The following GPC6 variants were observed in gnomAD, a reference collection of about 807,000 sequenced individuals.
GPC6 encodes glypican 6, also known as glypican-6.
GPC6 carries 14 observed loss-of-function variants against 55.2 expected under a neutral mutation model. The observed-to-expected ratio is 0.25, with a 90% CI of 0.17 to 0.40. The LOEUF is 0.40. GPC6 is among the 10% of genes least tolerant of loss of function. The probability of loss-of-function intolerance (pLI) is 1.00; values close to 1 mark genes in which losing one functional copy is unlikely to be tolerated. For synonymous variants in GPC6, 278 were observed against 259.6 expected (o/e 1.07, Z -0.68); for missense variants, 641 against 708.5 (o/e 0.90, Z 1.08).
chr13:93,854,239 G>A lies in GPC6; in HGVS notation c.711+23694G>A, dbSNP rs1888520204. Among the ~76,000 whole-genome samples the A allele has an allele frequency of 2.6e-5, 4 of 151,712 alleles. No individual in the cohort carries two copies. In the South Asian group the frequency reaches 8.3e-4, roughly 32 times the overall value. ...ATAAACACTGAGTGAGCAGTTTGGGGAACAGCAATAATCTTTTTTCCTTCA... is the reference window on the plus strand; with the variant it reads ...ATAAACACTGAGTGAGCAGTTTGGGAAACAGCAATAATCTTTTTTCCTTCA... On this transcript the variant is annotated intron_variant, in intron 3 of 8. Transcript: ENST00000377047.
At chr13:93,477,619 TA>T (rs1317046518) in intron 1 of GPC6, among the ~76,000 whole-genome samples, 6 of 152,100 alleles carry the variant, frequency 3.9e-5, no homozygotes, top group Admixed American at 6.6e-5. Flanking sequence ...TTTATTTTCT[TA>T]AAAAAAGGAG....
At chr13:93,221,748 C>T in the GPC6 span, among the ~76,000 whole-genome samples, 200 of 152,268 alleles carry the variant, frequency 1.3e-3, 2 homozygotes, top group African/African-American at 4.6e-3. Flanking sequence ...GGCAGAGCTA[C>T]TGTTGTTAAA....
chr13:94,275,253 A>T (rs907335923), intron 4 of GPC6, among the ~76,000 whole-genome samples: 15 of 152,208 alleles, frequency 9.9e-5, no homozygotes, highest in African/African-American at 3.4e-4. Context: ...ATATACATAT[A>T]ATAAGTCAGC....
At chr13:94,158,835 G>A (rs1464770982) in intron 4 of GPC6, among the ~76,000 whole-genome samples, 3 of 151,994 alleles carry the variant, frequency 2.0e-5, no homozygotes, top group Non-Finnish European at 4.4e-5. Flanking sequence ...CCATTGACAT[G>A]TGTGTAAAAC....
At chr13:93,615,461 CA>C in intron 2 of GPC6, among the ~76,000 whole-genome samples, 1 of 152,154 alleles carries the variant, frequency 6.6e-6, no homozygotes, top group South Asian at 2.1e-4. Context: ...TAACTGATGC[CA>C]GGCAGTTTAT....
chr13:93,917,450 T>C (rs1424467057), intron 3 of GPC6, among the ~76,000 whole-genome samples: 1 of 152,198 alleles, frequency 6.6e-6, no homozygotes, highest in African/African-American at 2.4e-5. Context: ...ATAAGTCTTT[T>C]GGATGCACCA....
At chr13:93,580,778 T>C (rs186779929) in intron 2 of GPC6, among the ~76,000 whole-genome samples, 1 of 152,304 alleles carries the variant, frequency 6.6e-6, no homozygotes, top group Admixed American at 6.5e-5. Flanking sequence ...GTAAATCATA[T>C]TTAATCTCCT....
At chr13:94,094,885 G>A (rs1017677625) in intron 4 of GPC6, among the ~76,000 whole-genome samples, 1 of 151,956 alleles carries the variant, frequency 6.6e-6, no homozygotes, top group African/African-American at 2.4e-5. Context: ...AGGACACACA[G>A]TCAAATTTAA....
At chr13:93,511,548 T>C (rs965133516) in intron 1 of GPC6, among the ~76,000 whole-genome samples, 1 of 152,014 alleles carries the variant, frequency 6.6e-6, no homozygotes, top group Non-Finnish European at 1.5e-5. Context: ...TCTACTTTTT[T>C]CCAATACTGT....
chr13:94,044,234 G>A (rs749402301), intron 4 of GPC6, among the ~76,000 whole-genome samples: 1 of 151,772 alleles, frequency 6.6e-6, no homozygotes, highest in African/African-American at 2.4e-5. Flanking sequence ...AGATATGTGT[G>A]TATTTGATTA....
intron 3 of GPC6, among the ~76,000 whole-genome samples, chr13:93,903,769 G>A (rs766931587): frequency 2.2e-4 from 34 of 151,988 alleles, no homozygotes; most frequent in Non-Finnish European, 3.5e-4. Flanking sequence ...TCTGTATGCC[G>A]TCTAGTCTCC....
At chr13:94,301,887 C>CA (rs1304728382) in intron 5 of GPC6, among the ~76,000 whole-genome samples, 1 of 152,180 alleles carries the variant, frequency 6.6e-6, no homozygotes, top group Non-Finnish European at 1.5e-5. Context: ...TATTATTTCT[C>CA]AATTGTTTTT....
chr13:94,405,985 A>C lies in GPC6; in HGVS notation c.*2768A>C, dbSNP rs1322215790. The C allele has an allele frequency of 6.6e-6, 1 of 152,096 alleles. No homozygotes were observed. The allele number at this position is 152,096 out of a possible 1,614,324, so 9.4% of individuals were successfully genotyped here. A position where few individuals can be genotyped will look rare whatever the true frequency, so the allele number is the denominator to read the frequency against. ...TTCAACCCTCGAATTATTTTTTCTC[A>C]TTTCAGCATAGTGATAGGGGATGCA... On this transcript the variant is annotated 3_prime_UTR_variant, in exon 9 of 9. Coordinates refer to ENST00000377047, the MANE Select transcript of GPC6 (RefSeq NM_005708.5).
intron 3 of GPC6, among the ~76,000 whole-genome samples, chr13:93,912,454 A>G (rs930460608): frequency 6.6e-6 from 1 of 152,120 alleles, no homozygotes; most frequent in Non-Finnish European, 1.5e-5. Context: ...TCAAAACAAG[A>G]CAAATTCGGC....
At chr13:93,883,905 T>C (rs1460866674) in intron 3 of GPC6, among the ~76,000 whole-genome samples, 1 of 152,168 alleles carries the variant, frequency 6.6e-6, no homozygotes, top group African/African-American at 2.4e-5. Flanking sequence ...AAACAATCCA[T>C]CTTTTCAATG....
intron 4 of GPC6, among the ~76,000 whole-genome samples, chr13:94,174,960 T>C (rs1464383031): frequency 1.3e-5 from 2 of 152,180 alleles, no homozygotes; most frequent in Non-Finnish European, 2.9e-5. Flanking sequence ...GAGATCAAGA[T>C]ACAGAGCATC....
At chr13:93,308,297 T>C (rs1340062022) in intron 1 of GPC6, among the ~76,000 whole-genome samples, 2 of 151,932 alleles carry the variant, frequency 1.3e-5, no homozygotes, top group African/African-American at 2.4e-5. Flanking sequence ...AAAAGAAAAA[T>C]GGTTATTGTT....
chr13:93,695,762 T>C (rs1882432006), intron 2 of GPC6, among the ~76,000 whole-genome samples: 1 of 152,128 alleles, frequency 6.6e-6, no homozygotes. Flanking sequence ...ATGTCAAAAA[T>C]GATGAGCTCA....
At chr13:93,603,444 T>C (rs557704416) in intron 2 of GPC6, among the ~76,000 whole-genome samples, 1 of 152,356 alleles carries the variant, frequency 6.6e-6, no homozygotes, top group Admixed American at 6.5e-5. Flanking sequence ...TGGTACATAT[T>C]ATATACCAGT....
Sources: allele counts gnomAD v4.1 joint callset (sites outside exome capture counted in the v4.1 genomes callset), GRCh38; gene constraint gnomAD v4.1.1; transcripts MANE v1.5; gene names NCBI Gene and HGNC (gene_info 2026-07-23, HGNC 2026-07-21).